Variants in CAPRIN2 observed in about 807,000 individuals in gnomAD.
CAPRIN2 encodes the protein caprin family member 2.
A neutral mutation model predicts 130.4 loss-of-function variants in CAPRIN2; 66 were observed. The ratio of observed to expected loss-of-function variants is 0.51; its 90% CI spans 0.42 to 0.62. The LOEUF (loss-of-function observed/expected upper bound fraction) is 0.62, where lower values mean the gene tolerates loss of function less well. Among genes scored for constraint, CAPRIN2 ranks in the 20% least tolerant of loss-of-function variants. The probability of loss-of-function intolerance (pLI) is 0.00; values close to 1 mark genes in which losing one functional copy is unlikely to be tolerated. For synonymous variants in CAPRIN2, 471 were observed against 444.1 expected, an observed-to-expected ratio of 1.06 and a Z score of -0.76; for missense variants, 1,185 against 1,246.6, an observed-to-expected ratio of 0.95 and a Z score of 0.74.
At position 30,713,930 on chromosome 12, in the gene CAPRIN2, T is replaced by C. The variant is rs1866415; in HGVS notation, c.2501-45A>G. On this transcript the variant is annotated intron_variant, in intron 14 of 16. Coordinates refer to ENST00000298892, the Ensembl canonical transcript of CAPRIN2. ...ACATAAGATTATGGACAAAATCATA[T>C]TAAACTTTTAAACAGTCTAATTCTA... 35 of 1,095,002 alleles carry C rather than the reference T, an allele frequency of 3.2e-5. No individual in the cohort carries two copies. The South Asian group carries it at 4.2e-4, about 13-fold the overall frequency. The allele number at this position is 1,095,002 out of a possible 1,614,324, so 67.8% of individuals were successfully genotyped here. A position where few individuals can be genotyped will look rare whatever the true frequency, so the allele number is the denominator to read the frequency against.
chr12:30,725,964 AC>A lies in CAPRIN2; in HGVS notation c.1905+1del. 1 of 1,576,564 alleles carries A rather than the reference AC, an allele frequency of 6.3e-7. No individual in the cohort carries two copies. Among genetic ancestry groups the A allele is most frequent in the Non-Finnish European group, 8.6e-7 (1 of 1,162,866 alleles). On this transcript the variant is annotated splice_donor_variant, in intron 9 of 16. Coordinates refer to ENST00000298892, the Ensembl canonical transcript of CAPRIN2. LOFTEE classifies it high-confidence loss of function. ...ATTTAAGATTTTGTAAATGACTCAT[AC>A]TTGCATAAAGTTACAAGTTCCTTGA...
At chr12:30,734,617 T>C (rs533276653) in intron 4 of CAPRIN2, among the ~76,000 whole-genome samples, 1 of 152,282 alleles carries the variant, frequency 6.6e-6, no homozygotes, top group African/African-American at 2.4e-5. Flanking sequence ...CTGAGAAAAT[T>C]ACTTTAAAAG....
chr12:30,710,394 T>C lies in CAPRIN2; in HGVS notation c.2742A>G (p.Gln914=). The C allele has an allele frequency of 7.4e-6, 12 of 1,614,166 alleles. No individual in the cohort carries two copies. The highest frequency in any genetic ancestry group is 1.0e-5 in the Non-Finnish European group (12 of 1,180,038). ...CAGGGGTCATGCTACGGGAGTCTCCTTGTCCAGAGTCACCACTGTTAAAGG... is the reference window on the plus strand; with the variant it reads ...CAGGGGTCATGCTACGGGAGTCTCCCTGTCCAGAGTCACCACTGTTAAAGG... Residue 914 remains glutamine (Q), a synonymous_variant, in exon 17 of 17, where the codon CAA becomes CAG. Transcript: ENST00000298892. This position sits in a 1 kb window ranked among gnomAD's most constrained non-coding sequence, Gnocchi z 4.8.
rs11051056 is a variant in CAPRIN2, at chr12:30,748,333, C to T, written c.483+2738G>A. 9.4e-4 allele frequency among the ~76,000 whole-genome samples: 143 copies of T among 152,324 alleles called. 3 individuals are homozygous for T. In the East Asian group the frequency reaches 0.023, roughly 24 times the overall value. On this transcript the variant is annotated intron_variant, in intron 2 of 16. Coordinates refer to ENST00000298892, the Ensembl canonical transcript of CAPRIN2. ...AGCCGCTGCAACCTTCAGCAACCAC[C>T]ACCCTGATCTGTCAGCAGTAATCAA... is the stretch of plus-strand genomic sequence containing the variant.
chr12:30,745,872 A>G (rs530435426), intron 2 of CAPRIN2, among the ~76,000 whole-genome samples: 1 of 152,350 alleles, frequency 6.6e-6, no homozygotes, highest in Admixed American at 6.5e-5. Context: ...AAGCTGTATT[A>G]AAATTTTATT....
At chr12:30,719,432 A>C in intron 12 of CAPRIN2, 1 of 555,160 alleles carries the variant, frequency 1.8e-6, no homozygotes, top group East Asian at 2.9e-5. Context: ...TTGCTGACTA[A>C]GTGAAAGAGT....
intron 4 of CAPRIN2, among the ~76,000 whole-genome samples, chr12:30,734,741 A>G (rs1217961546): frequency 6.6e-6 from 1 of 152,070 alleles, no homozygotes; most frequent in Non-Finnish European, 1.5e-5. Context: ...GACCATTCAC[A>G]TTCACTTTCC....
intron 1 of CAPRIN2, among the ~76,000 whole-genome samples, chr12:30,752,407 C>A (rs1044214439): frequency 6.6e-6 from 1 of 152,008 alleles, no homozygotes. Context: ...AGGGAGGCTC[C>A]GTCAATAGAT....
chr12:30,753,069 C>A (rs533837800), intron 1 of CAPRIN2, among the ~76,000 whole-genome samples: 1 of 152,304 alleles, frequency 6.6e-6, no homozygotes, highest in Non-Finnish European at 1.5e-5. Flanking sequence ...ATTAATACTA[C>A]ATAAGGAATT....
Position 30,720,736 on chromosome 12 carries a change from G to A in CAPRIN2, c.2148+75C>T. ...AATGTTACATCATTCAACTAATCAT[G>A]CCTGTAATTCATAAGATAAACTGGT... On this transcript the variant is annotated intron_variant, in intron 12 of 16. Transcript: ENST00000298892. 3.6e-6 allele frequency: 3 copies of A among 831,314 alleles called. No individual in the cohort carries two copies. In the East Asian group the frequency reaches 7.4e-5, roughly 20 times the overall value. The allele number at this position is 831,314 out of a possible 1,614,324, so 51.5% of individuals were successfully genotyped here.
chr12:30,711,150 A>T (rs572019288), intron 16 of CAPRIN2, among the ~76,000 whole-genome samples: 103 of 152,210 alleles, frequency 6.8e-4, no homozygotes, highest in Non-Finnish European at 1.2e-3. Context: ...AAAAAGTGTT[A>T]TAACTATTCT....
intron 15 of CAPRIN2, among the ~76,000 whole-genome samples, chr12:30,713,113 A>C (rs1394591157): frequency 6.6e-6 from 1 of 152,196 alleles, no homozygotes; most frequent in Admixed American, 6.5e-5. Flanking sequence ...CTTCAAGGAT[A>C]GGTATTTTAT....
chr12:30,709,969 C>T (rs1052436238), exon 17 of CAPRIN2: 4 of 1,613,766 alleles, frequency 2.5e-6, no homozygotes, highest in Non-Finnish European at 3.4e-6. Context: ...AATTGCTCCC[C>T]TGTGCAGACG....
chr12:30,745,663 T>A (rs998510515), intron 2 of CAPRIN2, among the ~76,000 whole-genome samples: 3 of 151,900 alleles, frequency 2.0e-5, no homozygotes, highest in Non-Finnish European at 4.4e-5. Flanking sequence ...GAAAATTCAG[T>A]CTTCAAGAAA....
chr12:30,728,688 T>A (rs780074977), exon 8 of CAPRIN2: 2 of 1,613,130 alleles, frequency 1.2e-6, no homozygotes, highest in Non-Finnish European at 1.7e-6. Flanking sequence ...CAGCAGCTGG[T>A]CATTTGGTAT....
At chr12:30,720,704 A>G (rs1289151168) in intron 12 of CAPRIN2, 107 bp downstream of exon 13, 20 of 687,622 alleles carry the variant, frequency 2.9e-5, no homozygotes, top group Non-Finnish European at 4.9e-5. Flanking sequence ...TACATTAATA[A>G]AGTATAAATG....
At chr12:30,723,898 T>A (rs907871652) in intron 10 of CAPRIN2, among the ~76,000 whole-genome samples, 1 of 152,208 alleles carries the variant, frequency 6.6e-6, no homozygotes, top group Non-Finnish European at 1.5e-5. Context: ...CACTCCTCTC[T>A]GGAGAGAAAC....
At chr12:30,735,239 A>G in intron 3 of CAPRIN2, 33 bp from the exon 5 acceptor site, 1 of 1,488,892 alleles carries the variant, frequency 6.7e-7, no homozygotes, top group Non-Finnish European at 9.4e-7. Flanking sequence ...AAGGGTAACA[A>G]TTCTCTACCA....
At position 30,724,305 on chromosome 12, in the gene CAPRIN2, GACA is replaced by G. The variant is rs959514394; in HGVS notation, c.1987+62_1987+64del. 7.9e-5 allele frequency: 76 copies of G among 958,466 alleles called. No homozygotes were observed. In the African/African-American group the frequency reaches 1.0e-3, roughly 13 times the overall value. The allele number at this position is 958,466 out of a possible 1,614,324, so 59.4% of individuals were successfully genotyped here. On this transcript the variant is annotated intron_variant, in intron 10 of 16. Coordinates refer to ENST00000298892, the Ensembl canonical transcript of CAPRIN2. ...CATCTAAAATAAAATCATTTGAAAAGACAACAACAACAAATAGCTGTTAGCTCA... is the reference window on the plus strand; with the variant it reads ...CATCTAAAATAAAATCATTTGAAAAGACAACAACAAATAGCTGTTAGCTCA...
Sources: allele counts gnomAD v4.1 joint callset (sites outside exome capture counted in the v4.1 genomes callset), GRCh38; gene constraint gnomAD v4.1.1; non-coding constraint Gnocchi (gnomAD v3.1); transcripts MANE v1.5; gene names NCBI Gene and HGNC (gene_info 2026-07-23, HGNC 2026-07-21).